Variants in CD22 observed in about 807,000 individuals in gnomAD.
CD22 encodes B-cell receptor CD22.
In CD22, 51 loss-of-function variants were observed where a neutral mutation model predicts 94.7. The observed-to-expected ratio is 0.54, with a 90% CI of 0.43 to 0.68. The LOEUF is 0.68. Among genes scored for constraint, CD22 ranks in the 30% least tolerant of loss-of-function variants. CD22 has a pLI of 0.00. For missense variants in CD22, 931 were observed against 1,060.4 expected, an observed-to-expected ratio of 0.88 and a Z score of 1.69; for synonymous variants, 424 against 422.5, an observed-to-expected ratio of 1.00 and a Z score of -0.04.
At chr19:35,331,828 C>A in intron 1 of CD22, 191 bp from the exon 2 acceptor site, 1 of 1,177,444 alleles carries the variant, frequency 8.5e-7, no homozygotes, top group Non-Finnish European at 1.1e-6. Flanking sequence ...GCCTGGGAGA[C>A]AGAGCAAGAC....
chr19:35,346,814 A>G lies in CD22; in HGVS notation c.*117A>G, dbSNP rs565853765. On this transcript the variant is annotated 3_prime_UTR_variant, in exon 14 of 14. Coordinates refer to ENST00000085219, the MANE Select transcript of CD22 (RefSeq NM_001771.4). ...CGCGCATGTGCGCACACACACACACACACGCACACACACACACACACACTC... is the reference window on the plus strand; with the variant it reads ...CGCGCATGTGCGCACACACACACACGCACGCACACACACACACACACACTC... The G allele has an allele frequency of 4.7e-5, 41 of 870,340 alleles. No individual in the cohort carries two copies. Among genetic ancestry groups the G allele is most frequent in the African/African-American group, 1.1e-4 (6 of 54,954 alleles). 53.9% of individuals were successfully genotyped at this position (870,340 alleles called of 1,614,324 possible).
At position 35,338,390 on chromosome 19, in the gene CD22, G is replaced by A; in HGVS notation, c.1208G>A (p.Gly403Asp). 3 of 1,614,114 alleles carry A rather than the reference G, an allele frequency of 1.9e-6. No individual in the cohort carries two copies. The highest frequency in any genetic ancestry group is 1.1e-5 in the South Asian group (1 of 91,086). ...TYSCVAENIL[G>D]TGQRGPGAEL... ...TCCTGTGTGGCAGAAAACATTCTTG[G>A]TACTGGACAGAGGGGCCCGGGAGCT... The change falls in exon 6 of 14, where the codon GGT (glycine) becomes GAT (aspartate). Residue 403 changes from glycine to aspartate, a missense_variant. Gly to Asp is a moderately conservative substitution (Grantham distance 94). Transcript: ENST00000085219.
In CD22 at chr19:35,337,719, C is replaced by A. The variant is rs372782563; in HGVS notation, c.719-36C>A. The A allele has an allele frequency of 9.6e-5, 149 of 1,556,608 alleles. 1 individual carries two copies. The South Asian group carries it at 1.7e-3, about 17-fold the overall frequency. ...CACACCCTCCACCCTCTGAGGATTC[C>A]CCGCCCCCTCCCCGACTGCCCCTCT... On this transcript the variant is annotated intron_variant, in intron 4 of 13. Coordinates refer to ENST00000085219, the MANE Select transcript of CD22 (RefSeq NM_001771.4). The surrounding 1 kb of genome is among the most constrained non-coding windows in gnomAD (Gnocchi z 4.4).
chr19:35,337,974 A>G lies in CD22; in HGVS notation c.938A>G (p.Asn313Ser), dbSNP rs765592700. 9 of 1,613,982 alleles carry G rather than the reference A, an allele frequency of 5.6e-6. No individual in the cohort carries two copies. The highest frequency in any genetic ancestry group is 2.2e-5 in the East Asian group (1 of 44,894). Residue 313 changes from asparagine to serine, a missense_variant, in exon 5 of 14, where the codon AAT (asparagine) becomes AGT (serine). Asn to Ser is a conservative substitution (Grantham distance 46). Transcript: ENST00000085219. The surrounding 1 kb of genome is among the most constrained non-coding windows in gnomAD (Gnocchi z 4.4). ...GGGAAGTACTGCTGTCAGGTCTCCAATGACGTGGGCCCGGGAAGGTCGGAA... is the reference window on the plus strand; with the variant it reads ...GGGAAGTACTGCTGTCAGGTCTCCAGTGACGTGGGCCCGGGAAGGTCGGAA... The part of the protein sequence containing the change: ...QSGKYCCQVS[N>S]DVGPGRSEEV...
chr19:35,334,589 C>T (rs1179078130), intron 3 of CD22, among the ~76,000 whole-genome samples: 3 of 152,142 alleles, frequency 2.0e-5, no homozygotes, highest in African/African-American at 7.2e-5. Flanking sequence ...TTGGGGTGAG[C>T]AATGCAACTT....
intron 2 of CD22, 172 bp from the exon 3 acceptor site, chr19:35,332,375 G>T (rs2145646854): frequency 1.4e-6 from 1 of 722,372 alleles, no homozygotes; most frequent in East Asian, 2.8e-5. Context: ...ACTTTGTGAG[G>T]CTGAGGTGGG....
chr19:35,335,397 T>A (rs1484503851), intron 3 of CD22, among the ~76,000 whole-genome samples: 1 of 149,580 alleles, frequency 6.7e-6, no homozygotes, highest in Non-Finnish European at 1.5e-5. Flanking sequence ...CTCTACAAAA[T>A]GTTTAAAAAA....
rs1468140388 is a variant in CD22, at chr19:35,332,016, C to T, written c.-22-3C>T. ...GCTCAAAGACAAACTCTCCCCTGCT[C>T]AGGCTTGCACCCAGACACGACACCA... On this transcript the variant is annotated splice_polypyrimidine_tract_variant and splice_region_variant and intron_variant, in intron 1 of 13. Coordinates refer to ENST00000085219, the MANE Select transcript of CD22 (RefSeq NM_001771.4). 1 of 1,613,796 alleles carries T rather than the reference C, an allele frequency of 6.2e-7. No homozygotes were observed. The highest frequency in any genetic ancestry group is 1.7e-5 in the Admixed American group (1 of 59,994).
intron 9 of CD22, 42 bp downstream of exon 9, chr19:35,342,007 G>GTCCCTTCCT (rs1555769982): frequency 2.9e-6 from 3 of 1,028,952 alleles, no homozygotes; most frequent in Non-Finnish European, 4.1e-6. Context: ...GTGGTGGTCA[G>GTCCCTTCCT]TCCTTCCTTC....
In CD22 at chr19:35,340,282, C is replaced by T. The variant is rs138049872; in HGVS notation, c.1250-599C>T. The stretch of plus-strand genomic sequence containing the variant: ...CTCAGGACTCACCCCCCACCCACCC[C>T]GCACTGCCTCTTGTTTTTAAGATGG... On this transcript the variant is annotated intron_variant, in intron 6 of 13. Coordinates refer to ENST00000085219, the MANE Select transcript of CD22 (RefSeq NM_001771.4). 3.5e-3 allele frequency among the ~76,000 whole-genome samples: 537 copies of T among 151,910 alleles called. 4 individuals are homozygous for T. Among genetic ancestry groups the T allele is most frequent in the African/African-American group, 0.012 (512 of 41,378 alleles).
chr19:35,336,217 C>T lies in CD22; in HGVS notation c.594C>T (p.Val198=). Residue 198 remains valine, a synonymous_variant, in exon 4 of 14, where the codon GTC becomes GTT. Coordinates refer to ENST00000085219, the MANE Select transcript of CD22 (RefSeq NM_001771.4). ...VTSTSLTIKS[V]FTRSELKFSP... ...CGACCTCCTTGACCATCAAGTCTGT[C>T]TTCACCCGGAGCGAGCTCAAGTTCT... 3 of 1,614,242 alleles carry T rather than the reference C, an allele frequency of 1.9e-6. No homozygotes were observed. Among genetic ancestry groups the T allele is most frequent in the Non-Finnish European group, 2.5e-6 (3 of 1,180,050 alleles).
intron 1 of CD22, chr19:35,331,740 G>T: frequency 2.7e-6 from 1 of 369,012 alleles, no homozygotes; most frequent in Non-Finnish European, 4.8e-6. Flanking sequence ...CCAGCTACTT[G>T]GGGGGCTGAG....
In CD22 at chr19:35,338,289, T is replaced by G. The variant is rs1242543064; in HGVS notation, c.1107T>G (p.Asn369Lys). The G allele has an allele frequency of 6.2e-7, 1 of 1,614,090 alleles. No individual in the cohort carries two copies. The highest frequency in any genetic ancestry group is 1.3e-5 in the African/African-American group (1 of 75,004). Residue 369 changes from asparagine to lysine, a missense_variant, in exon 6 of 14, where the codon AAT becomes AAG. Asn to Lys is a moderately conservative substitution (Grantham distance 94). Transcript: ENST00000085219. Reference protein sequence around the residue: ...PLPTNYTWYHNGKEMQGRTEE... With the variant: ...PLPTNYTWYHKGKEMQGRTEE... ...CAACAAATTACACGTGGTACCACAA[T>G]GGGAAAGAAATGCAGGGAAGGACAG...
intron 9 of CD22, 56 bp downstream of exon 9, chr19:35,342,021 C>CCTTCCTTG: frequency 1.5e-6 from 1 of 661,964 alleles, no homozygotes. Context: ...TTCCTTCCTT[C>CCTTCCTTG]CTTCCTTCCT....
At position 35,344,919 on chromosome 19, in the gene CD22, A is replaced by G. The variant is rs1444414097; in HGVS notation, c.2126A>G (p.Gln709Arg). ...LILAICGLKLQRRWKRTQSQQ... is the reference protein window; with the variant it reads ...LILAICGLKLRRRWKRTQSQQ... ...CTGGCAATCTGTGGGCTCAAGCTCC[A>G]GCGACGGTGAGCTCCTGCCATCCCC... Residue 709 changes from glutamine to arginine, a missense_variant, in exon 10 of 14, where the codon CAG becomes CGG. Coordinates refer to ENST00000085219, the MANE Select transcript of CD22 (RefSeq NM_001771.4). 6.2e-7 allele frequency: 1 copy of G among 1,613,152 alleles called. No homozygotes were observed. Among genetic ancestry groups the G allele is most frequent in the South Asian group, 1.1e-5 (1 of 91,062 alleles).
intron 6 of CD22, 33 bp from the exon 7 acceptor site, chr19:35,340,848 T>A: frequency 6.2e-7 from 1 of 1,613,080 alleles, no homozygotes; most frequent in Non-Finnish European, 8.5e-7. Flanking sequence ...GACAGCTGGC[T>A]TTTCTTTACT....
At chr19:35,336,571 G>C (rs1258993465) in intron 4 of CD22, 5 of 534,910 alleles carry the variant, frequency 9.3e-6, no homozygotes. Flanking sequence ...GGATTATCTG[G>C]TTAGGTCTTT....
In CD22 at chr19:35,336,323, G is replaced by C. The variant is rs142629522; in HGVS notation, c.700G>C (p.Val234Leu). The C allele has an allele frequency of 8.5e-5, 137 of 1,614,102 alleles. No individual in the cohort carries two copies. In the Middle Eastern group the frequency reaches 1.5e-3, roughly 17 times the overall value. Residue 234 changes from valine (V) to leucine (L), a missense_variant, in exon 4 of 14, where the codon GTG becomes CTG. Physicochemically the swap from Val to Leu is conservative, Grantham distance 32. Transcript: ENST00000085219. The part of the protein sequence containing the change: ...ADGKFLSNDT[V>L]QLNVKHTPKL... The stretch of plus-strand genomic sequence containing the variant: ...TGGGAAGTTCCTCTCCAATGACACG[G>C]TGCAGCTGAACGTGAAGCGTGAGTC...
chr19:35,342,185 A>C (rs541379056), intron 9 of CD22, among the ~76,000 whole-genome samples: 1 of 147,424 alleles, frequency 6.8e-6, no homozygotes, highest in Non-Finnish European at 1.5e-5. Context: ...TCTTCTTCTT[A>C]TAGAGACAAG....
Sources: gnomAD v4.1 joint callset for allele counts (sites outside exome capture counted in the v4.1 genomes callset) on GRCh38, gnomAD v4.1.1 for gene constraint, Gnocchi (gnomAD v3.1) non-coding constraint, MANE v1.5 for transcripts, NCBI Gene and HGNC (gene_info 2026-07-23, HGNC 2026-07-21) for gene names.